Variants in RALYL observed in about 807,000 individuals in gnomAD.
The protein encoded by RALYL is RNA-binding Raly-like protein.
RALYL carries 29 observed loss-of-function variants against 35.1 expected under a neutral mutation model. The ratio of observed to expected loss-of-function variants is 0.83; its 90% confidence interval spans 0.61 to 1.13. RALYL has a LOEUF of 1.13. RALYL is among the 50% of genes most tolerant of loss of function. The probability of loss-of-function intolerance (pLI) is 0.00; values close to 1 mark genes in which losing one functional copy is unlikely to be tolerated. For synonymous variants in RALYL, 120 were observed against 127.6 expected, an observed-to-expected ratio of 0.94 and a Z score of 0.40; for missense variants, 359 against 360.4, an observed-to-expected ratio of 1.00 and a Z score of 0.03.
rs1433236969 is a variant in RALYL at position 84,862,435 on chromosome 8, G to A, written c.553G>A (p.Gly185Arg). 4 of 1,599,062 alleles carry A rather than the reference G, an allele frequency of 2.5e-6. No homozygotes were observed. The highest frequency in any genetic ancestry group is 2.3e-5 in the South Asian group (2 of 88,258). Reference protein sequence around the residue: ...MKGGSRSTASGSTGSKLKSDE... With the variant: ...MKGGSRSTASRSTGSKLKSDE... ...AGGTGGATCGAGATCTACTGCCAGT[G>A]GGTCAACAGGTTCTAAATGTAAGTA... The change falls in exon 6 of 9, where the codon GGG becomes AGG. Residue 185 changes from glycine to arginine, a missense_variant. By Grantham distance (125) the Gly-to-Arg change is moderately radical (BLOSUM62 -2). Coordinates refer to ENST00000521268, the MANE Select transcript of RALYL (RefSeq NM_173848.7).
At chr8:84,769,952 A>G (rs1014406864) in intron 2 of RALYL, among the ~76,000 whole-genome samples, 3 of 152,116 alleles carry the variant, frequency 2.0e-5, no homozygotes, top group Admixed American at 6.6e-5. Flanking sequence ...ATTAACTTTA[A>G]TGTCTTCTGG....
intron 1 of RALYL, among the ~76,000 whole-genome samples, chr8:84,457,131 A>G (rs2050224699): frequency 6.6e-6 from 1 of 151,968 alleles, no homozygotes; most frequent in Non-Finnish European, 1.5e-5. Context: ...GTTCCTTGCC[A>G]GTTGTCATTC....
chr8:84,250,770 G>T (rs952520016), intron 1 of RALYL, among the ~76,000 whole-genome samples: 3 of 152,082 alleles, frequency 2.0e-5, no homozygotes, highest in Non-Finnish European at 4.4e-5. Context: ...CTTTCTTGGA[G>T]ACTTTTACTA....
intron 8 of RALYL, among the ~76,000 whole-genome samples, chr8:84,912,601 T>G (rs920940679): frequency 1.3e-5 from 2 of 152,070 alleles, no homozygotes; most frequent in Non-Finnish European, 2.9e-5. Context: ...AAAAGATGCT[T>G]GCCGCCATTG....
chr8:84,812,107 T>C (rs1263817307), intron 4 of RALYL, among the ~76,000 whole-genome samples: 7 of 152,114 alleles, frequency 4.6e-5, no homozygotes, highest in Non-Finnish European at 1.5e-5. Context: ...GGTTTTCTGG[T>C]TCCCTTTCAT....
chr8:84,443,279 G>A (rs780513598), intron 1 of RALYL, among the ~76,000 whole-genome samples: 4 of 152,078 alleles, frequency 2.6e-5, no homozygotes, highest in Non-Finnish European at 5.9e-5. Flanking sequence ...AGGAAATAAC[G>A]TCTCAAAGAG....
intron 1 of RALYL, among the ~76,000 whole-genome samples, chr8:84,196,971 G>A (rs1402898105): frequency 6.6e-6 from 1 of 152,140 alleles, no homozygotes; most frequent in Non-Finnish European, 1.5e-5. Context: ...CTGGAGGTAA[G>A]GAAATAATGC....
intron 1 of RALYL, among the ~76,000 whole-genome samples, chr8:84,460,700 T>A (rs1057348572): frequency 6.6e-6 from 1 of 151,540 alleles, no homozygotes; most frequent in Non-Finnish European, 1.5e-5. Context: ...AGTTGGAGGG[T>A]CGGGGAACAA....
chr8:84,901,852 T>A (rs1030682605), intron 8 of RALYL, among the ~76,000 whole-genome samples: 9 of 152,106 alleles, frequency 5.9e-5, no homozygotes, highest in Non-Finnish European at 8.8e-5. Context: ...GTTCAGTTAG[T>A]CATGAATGAG....
chr8:84,722,031 C>A (rs1488255451), intron 2 of RALYL, among the ~76,000 whole-genome samples: 1 of 152,034 alleles, frequency 6.6e-6, no homozygotes, highest in Non-Finnish European at 1.5e-5. Flanking sequence ...CGTGGATGTA[C>A]AATGTCTGTC....
chr8:84,502,033 A>G (rs1325974142), intron 1 of RALYL, among the ~76,000 whole-genome samples: 1 of 151,720 alleles, frequency 6.6e-6, no homozygotes, highest in East Asian at 1.9e-4. Flanking sequence ...ACTATTTTGT[A>G]ATTTATATAA....
intron 1 of RALYL, among the ~76,000 whole-genome samples, chr8:84,460,627 C>G (rs1294869755): frequency 6.6e-6 from 1 of 151,594 alleles, no homozygotes; most frequent in Non-Finnish European, 1.5e-5. Context: ...TATTTGCATA[C>G]CTGTGTATAA....
At chr8:84,515,694 T>C (rs2058005735) in intron 1 of RALYL, among the ~76,000 whole-genome samples, 1 of 152,138 alleles carries the variant, frequency 6.6e-6, no homozygotes. Flanking sequence ...TCTTTGCATG[T>C]ATAGTACAAA....
In RALYL at chr8:84,452,468, A is replaced by G. The variant is rs114473075; in HGVS notation, c.-23-76831A>G. 9.3e-3 allele frequency among the ~76,000 whole-genome samples: 1,419 copies of G among 151,920 alleles called. 20 individuals are homozygous for G. Among genetic ancestry groups the G allele is most frequent in the African/African-American group, 0.032 (1,323 of 41,484 alleles). ...GCCAATTATGAAAGTCCAATAATAT[A>G]TTTTCTTTTTGTCTATATTAGGAAA... is the stretch of plus-strand genomic sequence containing the variant. On this transcript the variant is annotated intron_variant, in intron 1 of 8. Transcript: ENST00000521268.
intron 1 of RALYL, among the ~76,000 whole-genome samples, chr8:84,304,515 A>G (rs924422560): frequency 1.3e-5 from 2 of 152,166 alleles, no homozygotes; most frequent in African/African-American, 4.8e-5. Context: ...AGTTGTTCTC[A>G]TCTTCTTATT....
At chr8:84,514,208 A>C (rs2057874036) in intron 1 of RALYL, among the ~76,000 whole-genome samples, 1 of 151,636 alleles carries the variant, frequency 6.6e-6, no homozygotes, top group Non-Finnish European at 1.5e-5. Context: ...TTTACAAAGT[A>C]AGAAAGTGTG....
At chr8:84,905,813 A>T (rs1173770890) in intron 8 of RALYL, among the ~76,000 whole-genome samples, 1 of 150,464 alleles carries the variant, frequency 6.6e-6, no homozygotes, top group Non-Finnish European at 1.5e-5. Context: ...TATGCATACT[A>T]TTTTTTTTAA....
chr8:84,361,084 G>A (rs1163761123), intron 1 of RALYL, among the ~76,000 whole-genome samples: 1 of 152,070 alleles, frequency 6.6e-6, no homozygotes, highest in African/African-American at 2.4e-5. Context: ...GGGTCTGAGT[G>A]TAAGCACTAC....
At chr8:84,830,839 G>A (rs890613029) in intron 4 of RALYL, among the ~76,000 whole-genome samples, 2 of 151,090 alleles carry the variant, frequency 1.3e-5, no homozygotes, top group Admixed American at 6.6e-5. Context: ...ATATTCAGAA[G>A]GAAAGTACCT....
Sources: allele counts gnomAD v4.1 joint callset (sites outside exome capture counted in the v4.1 genomes callset), GRCh38; gene constraint gnomAD v4.1.1; transcripts MANE v1.5; gene names NCBI Gene and HGNC (gene_info 2026-07-23, HGNC 2026-07-21).